Variants in PSMD1 observed in about 807,000 individuals in gnomAD.
PSMD1 encodes the protein proteasome 26S subunit, non-ATPase 1.
Under a neutral mutation model 119.0 loss-of-function variants are expected in PSMD1, and 18 were observed. The ratio of observed to expected loss-of-function variants is 0.15; its 90% CI spans 0.10 to 0.22. The LOEUF is 0.22. Ranked by LOEUF, PSMD1 falls within the 10% of genes least tolerant of loss-of-function variation. PSMD1 has a pLI of 1.00. For missense variants in PSMD1, 702 were observed against 1,158.5 expected (o/e 0.61, Z 5.72); for synonymous variants, 374 against 396.6 (o/e 0.94, Z 0.68).
intron 17 of PSMD1, 132 bp from the exon 18 acceptor site, chr2:231,146,108 T>G: frequency 1.6e-6 from 1 of 610,182 alleles, no homozygotes; most frequent in African/African-American, 1.8e-5. Flanking sequence ...TCAACTCCAT[T>G]ATAATGGGAC....
At chr2:231,146,090 GT>G in intron 17 of PSMD1, 149 bp from the exon 18 acceptor site, 2 of 564,492 alleles carry the variant, frequency 3.5e-6, no homozygotes, top group South Asian at 4.1e-5. Flanking sequence ...TTAGGCAATA[GT>G]AATTTTTCAA....
At chr2:231,129,089 A>G (rs1256705198) in intron 16 of PSMD1, among the ~76,000 whole-genome samples, 2 of 152,228 alleles carry the variant, frequency 1.3e-5, no homozygotes, top group Non-Finnish European at 2.9e-5. Context: ...CAGTAATCAC[A>G]GTAATCAGCT....
chr2:231,068,049 T>C (rs985760136), intron 5 of PSMD1, among the ~76,000 whole-genome samples: 2 of 152,218 alleles, frequency 1.3e-5, no homozygotes, highest in Non-Finnish European at 2.9e-5. Context: ...CCAATACCCA[T>C]GCCTTCCTCA....
chr2:231,163,502 G>A, intron 20 of PSMD1, 133 bp from the exon 21 acceptor site: 1 of 574,456 alleles, frequency 1.7e-6, no homozygotes, highest in Non-Finnish European at 3.1e-6. Flanking sequence ...AAGTAGACAT[G>A]GCTTTCAGAG....
rs1696044561 is a variant in PSMD1, at chr2:231,139,254, TTGGCCTCCCACAG to T, written c.1998+407_1998+419del. On this transcript the variant is annotated intron_variant, in intron 17 of 24. Transcript: ENST00000308696. ...CCTGACCTCAGGTGATCCACCCGCC[TTGGCCTCCCACAG>T]TGCTGGGATTACAGGCATGAGCCAC... Among the ~76,000 whole-genome samples, 2 of 151,904 alleles carry T rather than the reference TTGGCCTCCCACAG, an allele frequency of 1.3e-5. 1 individual carries two copies. The highest frequency in any genetic ancestry group is 2.9e-5 in the Non-Finnish European group (2 of 67,948).
chr2:231,165,408 G>T, intron 22 of PSMD1, 122 bp downstream of exon 22: 3 of 1,204,056 alleles, frequency 2.5e-6, no homozygotes, highest in Non-Finnish European at 3.3e-6. Context: ...TTATCCTGTT[G>T]CCAGCATGTA....
rs549357762 is a variant in PSMD1 at position 231,168,757 on chromosome 2, T to C, written c.2716-1809T>C. ...TAGCTGCACAAGTTTGTGAATGTAC[T>C]AAATTGTACGCTTTGAGAGAATGAA... is the stretch of plus-strand genomic sequence containing the variant. On this transcript the variant is annotated intron_variant, in intron 23 of 24. Transcript: ENST00000308696. Among the ~76,000 whole-genome samples the C allele has an allele frequency of 5.9e-5, 9 of 152,368 alleles. No homozygotes were observed. In the South Asian group the frequency reaches 1.2e-3, roughly 21 times the overall value.
rs138367156 is a variant in PSMD1, at chr2:231,078,688, T to G, written c.1101T>G (p.Thr367=). ...KDAVRNSVCH[T]ATVIANSFMH... Reference sequence around the variant, plus strand: ...CAGTACGGAATTCTGTATGTCATACTGCAACCGTTATAGCAAACTCTTTTA... The same window carrying G: ...CAGTACGGAATTCTGTATGTCATACGGCAACCGTTATAGCAAACTCTTTTA... Residue 367 remains threonine, a synonymous_variant, in exon 10 of 25, where the codon ACT becomes ACG. Coordinates refer to ENST00000308696, the MANE Select transcript of PSMD1 (RefSeq NM_002807.4). 43 of 1,610,500 alleles carry G rather than the reference T, an allele frequency of 2.7e-5. No homozygotes were observed. The highest frequency in any genetic ancestry group is 3.5e-5 in the Non-Finnish European group (41 of 1,178,792).
At chr2:231,155,216 G>A (rs1323813438) in intron 19 of PSMD1, among the ~76,000 whole-genome samples, 3 of 152,134 alleles carry the variant, frequency 2.0e-5, no homozygotes, top group Non-Finnish European at 2.9e-5. Flanking sequence ...TTTTATAGCA[G>A]TTCTAGTATT....
At chr2:231,113,444 A>T (rs1695225665) in intron 16 of PSMD1, among the ~76,000 whole-genome samples, 1 of 152,260 alleles carries the variant, frequency 6.6e-6, no homozygotes, top group African/African-American at 2.4e-5. Context: ...TCTCAAACTT[A>T]ACCTTTCTGC....
At chr2:231,071,673 G>C (rs1694043636) in intron 6 of PSMD1, among the ~76,000 whole-genome samples, 1 of 152,082 alleles carries the variant, frequency 6.6e-6, no homozygotes, top group South Asian at 2.1e-4. Flanking sequence ...AATTTAAATT[G>C]AGTTTTTAAA....
intron 16 of PSMD1, among the ~76,000 whole-genome samples, chr2:231,126,788 CT>C (rs1695730717): frequency 6.6e-6 from 1 of 151,830 alleles, no homozygotes; most frequent in Non-Finnish European, 1.5e-5. Flanking sequence ...TTTTTTAAGT[CT>C]GTTTAATGTC....
chr2:231,083,778 G>GT lies in PSMD1; in HGVS notation c.1722+16dup, dbSNP rs1559223740. On this transcript the variant is annotated intron_variant, in intron 14 of 24. Transcript: ENST00000308696. Reference sequence around the variant, plus strand: ...GTCGTGACAAGGTGAGATCACATACGTCCCTCACTGTCCATTTATCTCCAG... The same window carrying GT: ...GTCGTGACAAGGTGAGATCACATACGTTCCCTCACTGTCCATTTATCTCCAG... 1 of 1,611,476 alleles carries GT rather than the reference G, an allele frequency of 6.2e-7. No individual in the cohort carries two copies.
intron 24 of PSMD1, among the ~76,000 whole-genome samples, chr2:231,172,200 G>T (rs539168817): frequency 1.2e-4 from 19 of 152,308 alleles, no homozygotes; most frequent in African/African-American, 4.1e-4. Context: ...GTCTGTCTGA[G>T]AATTGAGGTG....
At chr2:231,158,532 G>A (rs557143692) in intron 19 of PSMD1, among the ~76,000 whole-genome samples, 21 of 152,090 alleles carry the variant, frequency 1.4e-4, no homozygotes, top group Non-Finnish European at 2.8e-4. Context: ...AGAACAAAAG[G>A]CTAATTTAGC....
intron 16 of PSMD1, among the ~76,000 whole-genome samples, chr2:231,095,998 G>C (rs1367447277): frequency 1.3e-5 from 2 of 152,172 alleles, no homozygotes; most frequent in Non-Finnish European, 2.9e-5. Context: ...TGGATCTTGA[G>C]AGAGCCATGT....
At chr2:231,161,637 C>A in intron 20 of PSMD1, 128 bp downstream of exon 20, 1 of 1,074,232 alleles carries the variant, frequency 9.3e-7, no homozygotes, top group East Asian at 2.4e-5. Context: ...AACATTTTCC[C>A]TTCAAGTTGA....
chr2:231,079,480 C>A, intron 10 of PSMD1, 56 bp from the exon 11 acceptor site: 2 of 1,252,194 alleles, frequency 1.6e-6, no homozygotes, highest in South Asian at 1.4e-5. Context: ...AGTTAAAAAG[C>A]TTTAAGGAAT....
intron 19 of PSMD1, among the ~76,000 whole-genome samples, chr2:231,156,946 C>G (rs1230047000): frequency 6.6e-6 from 1 of 152,306 alleles, no homozygotes; most frequent in East Asian, 1.9e-4. Flanking sequence ...ACTCTCTCCA[C>G]AGTTTTAGTT....
Sources: gnomAD v4.1 joint callset for allele counts (sites outside exome capture counted in the v4.1 genomes callset) on GRCh38, gnomAD v4.1.1 for gene constraint, MANE v1.5 for transcripts, NCBI Gene and HGNC (gene_info 2026-07-23, HGNC 2026-07-21) for gene names.